The following SRCIN1 variants were observed in gnomAD, a reference collection of about 807,000 sequenced individuals.
The protein encoded by SRCIN1 is SRC kinase signaling inhibitor 1, also known as P130Cas-associated protein.
A neutral mutation model predicts 116.2 loss-of-function variants in SRCIN1; 50 were observed. That is an observed-to-expected ratio of 0.43 (90% CI 0.34 to 0.54). SRCIN1 has a LOEUF of 0.54. SRCIN1 is among the 20% of genes least tolerant of loss of function. The pLI, the probability that SRCIN1 is intolerant of heterozygous loss-of-function variation, is 0.02. For synonymous variants in SRCIN1, 736 were observed against 750.0 expected (o/e 0.98, Z 0.30); for missense variants, 1,446 against 1,672.0 (o/e 0.86, Z 2.36).
At position 38,602,932 on chromosome 17, in the gene SRCIN1, T is replaced by G. The variant is rs993401899; in HGVS notation, c.22+2752A>C. Among the ~76,000 whole-genome samples the G allele has an allele frequency of 6.6e-6, 1 of 152,042 alleles. No individual in the cohort carries two copies. The highest frequency in any genetic ancestry group is 1.5e-5 in the Non-Finnish European group (1 of 67,990). ...CTGTCTCCCTTCTTTCCCCAAAACC[T>G]AACCTGGGGTGGGGGTGGGGGCTCA... On this transcript the variant is annotated intron_variant, in intron 1 of 18. Coordinates refer to ENST00000617146, the MANE Select transcript of SRCIN1 (RefSeq NM_025248.3). The surrounding 1 kb of genome is among the most constrained non-coding windows in gnomAD (Gnocchi z 4.2).
chr17:38,595,349 C>G (rs1908668075), intron 1 of SRCIN1, among the ~76,000 whole-genome samples: 1 of 152,138 alleles, frequency 6.6e-6, no homozygotes, highest in African/African-American at 2.4e-5. Context: ...TCCTGAGTAG[C>G]TGGGATTACA....
At chr17:38,578,459 C>CAGCCGG (rs57343488) in intron 2 of SRCIN1, 31 bp downstream of exon 2, 173,238 of 1,540,156 alleles carry the variant, frequency 0.11, 10,280 homozygotes, top group Middle Eastern at 0.14. Flanking sequence ...GCCGCGGCCG[C>CAGCCGG]AGCCGCAGCC....
chr17:38,551,712 T>C, intron 14 of SRCIN1, 174 bp downstream of exon 14: 1 of 993,034 alleles, frequency 1.0e-6, no homozygotes, highest in African/African-American at 1.6e-5. Context: ...ACGCTTTCTG[T>C]CTAGGAGGGC....
intron 3 of SRCIN1, among the ~76,000 whole-genome samples, chr17:38,567,411 A>G (rs181069629): frequency 6.6e-6 from 1 of 152,282 alleles, no homozygotes; most frequent in East Asian, 1.9e-4. Context: ...CAAAGAGGCT[A>G]TGCTTGACAG....
chr17:38,535,208 TC>T lies in SRCIN1; in HGVS notation c.3418-1778del, dbSNP rs1308167361. On this transcript the variant is annotated intron_variant, in intron 18 of 18. Transcript: ENST00000617146. ...TCCCCATTTGGGTTTTCTTTTTCTT[TC>T]TTTTTTTTTTTTTTTTGAGATGGAC... Among the ~76,000 whole-genome samples, 5 of 135,656 alleles carry T rather than the reference TC, an allele frequency of 3.7e-5. No homozygotes were observed. The East Asian group carries it at 6.0e-4, about 16-fold the overall frequency. 89.0% of individuals were successfully genotyped at this position (135,656 alleles called of 152,430 possible). A position where few individuals can be genotyped will look rare whatever the true frequency, so the allele number is the denominator to read the frequency against.
chr17:38,589,195 C>T (rs1000123512), intron 1 of SRCIN1, among the ~76,000 whole-genome samples: 14 of 152,220 alleles, frequency 9.2e-5, no homozygotes, highest in African/African-American at 3.4e-4. Context: ...GGCTTACAGG[C>T]GTGAGCCACC....
Position 38,563,389 on chromosome 17 carries a change from G to T in SRCIN1, c.674C>A (p.Ser225Ter). 1 of 1,579,674 alleles carries T rather than the reference G, an allele frequency of 6.3e-7. No homozygotes were observed. The highest frequency in any genetic ancestry group is 2.3e-5 in the East Asian group (1 of 43,130). ...PQKLTMGMLKSPNTAILIKDE... is the reference protein window; with the variant it reads ...PQKLTMGMLK ...TTTGATGAGGATGGCGGTATTGGGCGACTTAAGCATGCCCATGGTGAGCTT... is the reference window on the plus strand; with the variant it reads ...TTTGATGAGGATGGCGGTATTGGGCTACTTAAGCATGCCCATGGTGAGCTT... The change falls in exon 5 of 19, where the codon TCG becomes TAG. Residue 225 changes from serine (S) to a stop codon, truncating the protein, a stop_gained. Transcript: ENST00000617146. LOFTEE classifies it high-confidence loss of function. This position sits in a 1 kb window ranked among gnomAD's most constrained non-coding sequence, Gnocchi z 5.8.
Position 38,563,000 on chromosome 17 carries a change from G to C in SRCIN1, c.741-80C>G. ...AGAAGGGATGGCTACTCCAGGCCTA[G>C]AGAAGAGGGGTGGCCAGAGGCACCG... On this transcript the variant is annotated intron_variant, in intron 5 of 18. Coordinates refer to ENST00000617146, the MANE Select transcript of SRCIN1 (RefSeq NM_025248.3). The surrounding 1 kb of genome is among the most constrained non-coding windows in gnomAD (Gnocchi z 4.2). 5.7e-6 allele frequency: 7 copies of C among 1,231,648 alleles called. No homozygotes were observed. Among genetic ancestry groups the C allele is most frequent in the Non-Finnish European group, 8.2e-6 (7 of 857,176 alleles). 76.3% of individuals were successfully genotyped at this position (1,231,648 alleles called of 1,614,324 possible).
chr17:38,605,405 G>T (rs1177434367), intron 1 of SRCIN1, among the ~76,000 whole-genome samples: 1 of 138,324 alleles, frequency 7.2e-6, no homozygotes, highest in African/African-American at 2.7e-5. Flanking sequence ...ACCCCGGGGC[G>T]TAGTGAGGCC....
intron 17 of SRCIN1, among the ~76,000 whole-genome samples, chr17:38,548,234 G>C (rs2143065674): frequency 6.6e-6 from 1 of 152,208 alleles, no homozygotes; most frequent in East Asian, 1.9e-4. Context: ...AGAACACTGG[G>C]GGATGGGGAT....
At chr17:38,564,340 A>G in intron 3 of SRCIN1, 27 bp from the exon 4 acceptor site, 1 of 1,500,980 alleles carries the variant, frequency 6.7e-7, no homozygotes, top group Non-Finnish European at 8.9e-7. Flanking sequence ...GGGTGAGAGG[A>G]ACCAAGGATG....
chr17:38,600,737 T>C (rs888941813), intron 1 of SRCIN1, among the ~76,000 whole-genome samples: 2 of 152,236 alleles, frequency 1.3e-5, no homozygotes, highest in Admixed American at 1.3e-4. Context: ...CACCCCATCC[T>C]AGCTAGCCAC....
In SRCIN1 at chr17:38,541,021, C is replaced by T. The variant is rs1291883919; in HGVS notation, c.3417+2802G>A. Among the ~76,000 whole-genome samples, 13 of 152,026 alleles carry T rather than the reference C, an allele frequency of 8.6e-5. No individual in the cohort carries two copies. In the East Asian group the frequency reaches 9.7e-4, roughly 11 times the overall value. ...TTGGAAGGCTGAGGCGGGTGGATCA[C>T]GAGGTCAGGAGTTCAAGACCAGTCT... is the stretch of plus-strand genomic sequence containing the variant. On this transcript the variant is annotated intron_variant, in intron 18 of 18. Transcript: ENST00000617146.
chr17:38,549,026 C>G (rs1905232443), intron 16 of SRCIN1, 30 bp downstream of exon 16: 1 of 1,611,816 alleles, frequency 6.2e-7, no homozygotes, highest in Non-Finnish European at 8.5e-7. Flanking sequence ...ACTCAGTCCC[C>G]TGGCCCTCTG....
chr17:38,537,790 CAA>C (rs563375987), intron 18 of SRCIN1, among the ~76,000 whole-genome samples: 3 of 111,120 alleles, frequency 2.7e-5, no homozygotes, highest in African/African-American at 3.3e-5. Flanking sequence ...GACTCCGTGT[CAA>C]AAAAAAAAAA....
chr17:38,543,246 C>T, intron 18 of SRCIN1: 1 of 454,936 alleles, frequency 2.2e-6, no homozygotes, highest in Non-Finnish European at 4.4e-6. Context: ...GGAGGTGACC[C>T]CACTGAAACC....
In SRCIN1 at chr17:38,549,148, G is replaced by A; in HGVS notation, c.3025C>T (p.Pro1009Ser). 6.3e-7 allele frequency: 1 copy of A among 1,593,130 alleles called. No homozygotes were observed. The highest frequency in any genetic ancestry group is 8.6e-7 in the Non-Finnish European group (1 of 1,169,064). The change falls in exon 16 of 19, where the codon CCC (proline) becomes TCC (serine). Residue 1009 changes from proline to serine, a missense_variant. Coordinates refer to ENST00000617146, the MANE Select transcript of SRCIN1 (RefSeq NM_025248.3). ...TGGGAGGAGGGGAAGCTCCGGCGGG[G>A]AGGGGGCGGTGGGGGCGACTTGGAG... Reference protein sequence around the residue: ...KPSKSPPPPPPRRSFPSSHGL... With the variant: ...KPSKSPPPPPSRRSFPSSHGL...
intron 18 of SRCIN1, chr17:38,543,087 A>G (rs2502364): frequency 0.28 from 125,519 of 456,430 alleles, 23,929 homozygotes; most frequent in African/African-American, 0.73. Flanking sequence ...AAACACCCAC[A>G]GGTGAGGTAT....
chr17:38,559,774 T>C lies in SRCIN1; in HGVS notation c.1838-2A>G. ...TGCTCCGGCCGCCTGACCCACAGGC[T>C]GCAGAGGACCACGAGGATGGGAGAA... On this transcript the variant is annotated splice_acceptor_variant, in intron 9 of 18. Transcript: ENST00000617146. LOFTEE classifies it high-confidence loss of function. 6.6e-7 allele frequency: 1 copy of C among 1,504,114 alleles called. No homozygotes were observed. Among genetic ancestry groups the C allele is most frequent in the South Asian group, 1.3e-5 (1 of 76,864 alleles). The allele number at this position is 1,504,114 out of a possible 1,614,324, so 93.2% of individuals were successfully genotyped here. A position where few individuals can be genotyped will look rare whatever the true frequency, so the allele number is the denominator to read the frequency against.
Sources: allele counts gnomAD v4.1 joint callset (sites outside exome capture counted in the v4.1 genomes callset), GRCh38; gene constraint gnomAD v4.1.1; non-coding constraint Gnocchi (gnomAD v3.1); transcripts MANE v1.5; gene names NCBI Gene and HGNC (gene_info 2026-07-23, HGNC 2026-07-21).